The following ANK3 variants were observed in gnomAD, a reference collection of about 807,000 sequenced individuals.
ANK3 encodes ankyrin-3.
In ANK3, 57 loss-of-function variants were observed where a neutral mutation model predicts 370.9. That is an observed-to-expected ratio of 0.15 (90% CI 0.12 to 0.19). The LOEUF is 0.19. Among genes scored for constraint, ANK3 ranks in the 10% least tolerant of loss-of-function variants. The probability of loss-of-function intolerance (pLI) is 1.00; values close to 1 mark genes in which losing one functional copy is unlikely to be tolerated. For synonymous variants in ANK3, 1,929 were observed against 1,946.3 expected (o/e 0.99, Z 0.23); for missense variants, 4,439 against 5,302.1 (o/e 0.84, Z 5.06).
At chr10:60,378,893 AT>A (rs1290329403) in intron 1 of ANK3, among the ~76,000 whole-genome samples, 2 of 152,098 alleles carry the variant, frequency 1.3e-5, no homozygotes, top group Non-Finnish European at 2.9e-5. Flanking sequence ...GAAAAAAAAA[AT>A]AAAAAACAAT....
At chr10:60,208,629 T>C (rs1041210746) in intron 9 of ANK3, among the ~76,000 whole-genome samples, 1 of 152,164 alleles carries the variant, frequency 6.6e-6, no homozygotes, top group African/African-American at 2.4e-5. Context: ...GCACTGGGAT[T>C]ATAGGTATGA....
At chr10:60,099,758 C>G (rs1354285530) in intron 28 of ANK3, among the ~76,000 whole-genome samples, 1 of 151,788 alleles carries the variant, frequency 6.6e-6, no homozygotes. Context: ...GTCTTAAACA[C>G]AATGAATCAA....
chr10:60,402,973 G>A (rs2063383009), intron 2 of ANK3, among the ~76,000 whole-genome samples: 1 of 152,294 alleles, frequency 6.6e-6, no homozygotes, highest in Non-Finnish European at 1.5e-5. Flanking sequence ...ACCAAAAAAG[G>A]CTGAGAATAT....
intron 42 of ANK3, among the ~76,000 whole-genome samples, chr10:60,047,058 C>T (rs1403346833): frequency 3.3e-5 from 5 of 152,124 alleles, no homozygotes; most frequent in African/African-American, 9.7e-5. Flanking sequence ...CCACCCGCCT[C>T]GGGCTCCCAA....
intron 1 of ANK3, among the ~76,000 whole-genome samples, chr10:60,286,560 T>C (rs1169548649): frequency 6.6e-6 from 1 of 152,204 alleles, no homozygotes; most frequent in Non-Finnish European, 1.5e-5. Flanking sequence ...ATTCTGGCAC[T>C]ACTTGGGGTG....
intron 2 of ANK3, among the ~76,000 whole-genome samples, chr10:60,450,231 C>T (rs2064561891): frequency 6.6e-6 from 1 of 152,072 alleles, no homozygotes; most frequent in Non-Finnish European, 1.5e-5. Context: ...GAGTTGGAGG[C>T]TGCAGTGAGT....
chr10:60,133,121 T>C (rs1178602080), intron 25 of ANK3, among the ~76,000 whole-genome samples: 1 of 152,216 alleles, frequency 6.6e-6, no homozygotes, highest in Non-Finnish European at 1.5e-5. Context: ...AGTCTACCTA[T>C]TGCTTAACTT....
chr10:60,504,199 G>A (rs2075874252), intron 2 of ANK3, among the ~76,000 whole-genome samples: 1 of 152,090 alleles, frequency 6.6e-6, no homozygotes. Flanking sequence ...AAACCTTGAT[G>A]GACATCAAAG....
chr10:60,579,065 G>A (rs966318440), intron 2 of ANK3, among the ~76,000 whole-genome samples: 5 of 151,970 alleles, frequency 3.3e-5, no homozygotes, highest in African/African-American at 1.2e-4. Flanking sequence ...AGTGGCTCAC[G>A]CCTGTAATCC....
At chr10:60,266,765 T>C (rs986957801) in intron 5 of ANK3, among the ~76,000 whole-genome samples, 62 of 152,148 alleles carry the variant, frequency 4.1e-4, no homozygotes, top group Admixed American at 3.5e-3. Flanking sequence ...GTTTAAATGG[T>C]GTGGTTTGCT....
At chr10:60,222,825 C>T (rs1249722245) in intron 8 of ANK3, among the ~76,000 whole-genome samples, 1 of 152,174 alleles carries the variant, frequency 6.6e-6, no homozygotes, top group African/African-American at 2.4e-5. Context: ...TCCTTTCCCA[C>T]TTCCTACAGG....
At chr10:60,293,455 T>A (rs1290319288) in intron 1 of ANK3, among the ~76,000 whole-genome samples, 1 of 152,214 alleles carries the variant, frequency 6.6e-6, no homozygotes, top group Non-Finnish European at 1.5e-5. Flanking sequence ...ATACACATCT[T>A]ATATTTTGGG....
At chr10:60,137,544 C>T (rs547707901) in intron 24 of ANK3, among the ~76,000 whole-genome samples, 6 of 151,892 alleles carry the variant, frequency 4.0e-5, no homozygotes, top group Admixed American at 3.9e-4. Context: ...AAAATATTGG[C>T]TTTATAGATT....
At chr10:60,275,642 C>T (rs2098079086) in intron 4 of ANK3, among the ~76,000 whole-genome samples, 1 of 152,142 alleles carries the variant, frequency 6.6e-6, no homozygotes, top group South Asian at 2.1e-4. Context: ...CTTGTACTGT[C>T]TAACTTTGTC....
chr10:60,168,554 AATTT>A (rs1272500507), intron 21 of ANK3, among the ~76,000 whole-genome samples: 1 of 152,076 alleles, frequency 6.6e-6, no homozygotes, highest in Non-Finnish European at 1.5e-5. Flanking sequence ...TAAAAAAATT[AATTT>A]AAGTTCCAGG....
At chr10:60,088,563 T>G (rs1308436057) in intron 28 of ANK3, among the ~76,000 whole-genome samples, 1 of 152,112 alleles carries the variant, frequency 6.6e-6, no homozygotes, top group African/African-American at 2.4e-5. Context: ...GTAGCTGGGA[T>G]TACGGGCATG....
At chr10:60,278,687 G>A in intron 4 of ANK3, 87 bp downstream of exon 4, 3 of 1,011,694 alleles carry the variant, frequency 3.0e-6, no homozygotes, top group Non-Finnish European at 4.7e-6. Context: ...GTTCTTAGAG[G>A]ATATGTGAAC....
chr10:60,699,667 T>C (rs2079520036), intron 1 of ANK3, among the ~76,000 whole-genome samples: 1 of 152,008 alleles, frequency 6.6e-6, no homozygotes, highest in Admixed American at 6.6e-5. Flanking sequence ...AATTAAGATG[T>C]AATTCCATAC....
At chr10:60,384,168 A>G (rs2061937263) in intron 1 of ANK3, among the ~76,000 whole-genome samples, 1 of 152,164 alleles carries the variant, frequency 6.6e-6, no homozygotes, top group South Asian at 2.1e-4. Context: ...AGAATAACCC[A>G]TGGGAATCCT....
Sources: gnomAD v4.1 joint callset for allele counts (sites outside exome capture counted in the v4.1 genomes callset) on GRCh38, gnomAD v4.1.1 for gene constraint, MANE v1.5 for transcripts, NCBI Gene and HGNC (gene_info 2026-07-23, HGNC 2026-07-21) for gene names.